GALNTL6: variants seen among roughly 807,000 people sequenced by gnomAD.
GALNTL6 encodes polypeptide N-acetylgalactosaminyltransferase like 6.
In GALNTL6, 46 loss-of-function variants were observed where a neutral mutation model predicts 73.7. The ratio of observed to expected loss-of-function variants is 0.62; its 90% CI spans 0.49 to 0.80. The LOEUF (loss-of-function observed/expected upper bound fraction) is 0.80, where lower values mean the gene tolerates loss of function less well. Ranked by LOEUF, GALNTL6 falls within the 30% of genes least tolerant of loss-of-function variation. The pLI, the probability that GALNTL6 is intolerant of heterozygous loss-of-function variation, is 0.00. For missense variants in GALNTL6, 604 were observed against 755.0 expected, an observed-to-expected ratio of 0.80 and a Z score of 2.34; for synonymous variants, 259 against 263.7, an observed-to-expected ratio of 0.98 and a Z score of 0.17.
chr4:172,089,656 A>G (rs537760525), intron 2 of GALNTL6, among the ~76,000 whole-genome samples: 12 of 152,110 alleles, frequency 7.9e-5, no homozygotes, highest in Admixed American at 6.5e-4. Flanking sequence ...TAACAAGTGC[A>G]CTATAGTTTC....
At chr4:172,897,536 C>T (rs887383202) in intron 8 of GALNTL6, among the ~76,000 whole-genome samples, 2 of 152,166 alleles carry the variant, frequency 1.3e-5, no homozygotes, top group Non-Finnish European at 2.9e-5. Flanking sequence ...AACCCCTTGG[C>T]AGATGGTTTT....
chr4:172,127,168 T>G (rs2111010250), intron 2 of GALNTL6, among the ~76,000 whole-genome samples: 1 of 152,318 alleles, frequency 6.6e-6, no homozygotes, highest in South Asian at 2.1e-4. Flanking sequence ...GATGTGGGCC[T>G]GGAGATTACC....
Position 172,278,843 on chromosome 4 carries a change from A to G in GALNTL6, c.248-32771A>G, listed in dbSNP as rs560772383. On this transcript the variant is annotated intron_variant, in intron 3 of 12. Transcript: ENST00000506823. ...AACTTATGACAAATCTGCTGTAATC[A>G]AACAGCGTGGTATTGGCATAAAAAC... 4.6e-5 allele frequency among the ~76,000 whole-genome samples: 7 copies of G among 152,290 alleles called. No homozygotes were observed. In the East Asian group the frequency reaches 1.4e-3, roughly 29 times the overall value.
chr4:172,656,190 G>A (rs1450878496), intron 5 of GALNTL6, among the ~76,000 whole-genome samples: 1 of 152,126 alleles, frequency 6.6e-6, no homozygotes, highest in Non-Finnish European at 1.5e-5. Context: ...AGCGAGGGTT[G>A]GGTCTGGGTG....
chr4:172,920,779 C>T lies in GALNTL6; in HGVS notation c.1042-10382C>T, dbSNP rs570378679. ...AGTTATCATTAAGTAACTCAGTTGT[C>T]TGGAATTAACCTGACTTTATATTAA... On this transcript the variant is annotated intron_variant, in intron 8 of 12. Transcript: ENST00000506823. Among the ~76,000 whole-genome samples the T allele has an allele frequency of 2.6e-5, 4 of 152,302 alleles. No individual in the cohort carries two copies. The East Asian group carries it at 7.7e-4, about 29-fold the overall frequency.
At chr4:172,388,241 T>C (rs537966355) in intron 5 of GALNTL6, among the ~76,000 whole-genome samples, 1 of 152,088 alleles carries the variant, frequency 6.6e-6, no homozygotes, top group Non-Finnish European at 1.5e-5. Context: ...AGTAGGAGAG[T>C]TTAATGTAGA....
At chr4:171,965,353 A>G (rs1232002572) in intron 2 of GALNTL6, among the ~76,000 whole-genome samples, 1 of 152,200 alleles carries the variant, frequency 6.6e-6, no homozygotes, top group Non-Finnish European at 1.5e-5. Context: ...AAGACCTATT[A>G]CTCAAAAGAA....
chr4:172,484,100 A>G (rs547818302), intron 5 of GALNTL6, among the ~76,000 whole-genome samples: 9 of 152,088 alleles, frequency 5.9e-5, no homozygotes, highest in Non-Finnish European at 1.0e-4. Context: ...GAAGAAGGAG[A>G]ACATACTCCT....
At chr4:171,956,134 C>T (rs1170768759) in intron 2 of GALNTL6, among the ~76,000 whole-genome samples, 1 of 42,568 alleles carries the variant, frequency 2.3e-5, no homozygotes, top group Non-Finnish European at 4.6e-5. Flanking sequence ...TCCAGAGTAG[C>T]GGGACTACAG....
chr4:172,743,319 C>A lies in GALNTL6; in HGVS notation c.554-66042C>A, dbSNP rs1399610759. Among the ~76,000 whole-genome samples the A allele has an allele frequency of 3.3e-5, 5 of 152,150 alleles. No homozygotes were observed. The East Asian group carries it at 9.7e-4, about 29-fold the overall frequency. ...CCCCTCAGGCTCCACTAAAAACTGGCAACTGCATTGGTTCCTCAGAAAATG... is the reference window on the plus strand; with the variant it reads ...CCCCTCAGGCTCCACTAAAAACTGGAAACTGCATTGGTTCCTCAGAAAATG... On this transcript the variant is annotated intron_variant, in intron 5 of 12. Transcript: ENST00000506823.
intron 2 of GALNTL6, among the ~76,000 whole-genome samples, chr4:172,073,875 A>C (rs529366826): frequency 1.1e-4 from 17 of 152,324 alleles, no homozygotes; most frequent in African/African-American, 4.1e-4. Context: ...AAGTCAAAGC[A>C]ATTGACTGCA....
intron 10 of GALNTL6, among the ~76,000 whole-genome samples, chr4:172,954,772 AT>A (rs986020827): frequency 1.7e-4 from 26 of 151,726 alleles, no homozygotes; most frequent in Non-Finnish European, 3.1e-4. Context: ...CCGGCAACAG[AT>A]TTTTTTTTCT....
intron 2 of GALNTL6, among the ~76,000 whole-genome samples, chr4:171,896,947 A>T: frequency 6.6e-6 from 1 of 152,226 alleles, no homozygotes; most frequent in East Asian, 1.9e-4. Context: ...ACAAAAGCCA[A>T]ATGGGAACAA....
intron 2 of GALNTL6, among the ~76,000 whole-genome samples, chr4:171,916,448 A>G (rs1042060318): frequency 1.3e-5 from 2 of 152,142 alleles, no homozygotes; most frequent in African/African-American, 2.4e-5. Flanking sequence ...TCTTTCATAT[A>G]TACTGCTGGA....
intron 2 of GALNTL6, among the ~76,000 whole-genome samples, chr4:171,942,693 C>T (rs1419670449): frequency 6.6e-6 from 1 of 152,180 alleles, no homozygotes; most frequent in Non-Finnish European, 1.5e-5. Flanking sequence ...ACCTAAGAGC[C>T]TGTAGGCAAG....
chr4:172,836,026 C>T (rs1469679295), intron 7 of GALNTL6, among the ~76,000 whole-genome samples: 1 of 152,118 alleles, frequency 6.6e-6, no homozygotes, highest in Non-Finnish European at 1.5e-5. Flanking sequence ...CCACTGTTTC[C>T]TCAGGGGTAT....
At chr4:172,156,761 T>C (rs1419843985) in intron 2 of GALNTL6, among the ~76,000 whole-genome samples, 2 of 151,500 alleles carry the variant, frequency 1.3e-5, no homozygotes, top group African/African-American at 4.9e-5. Flanking sequence ...AAGGACACTT[T>C]AGGAAGTGTG....
intron 5 of GALNTL6, among the ~76,000 whole-genome samples, chr4:172,673,682 T>C (rs537718540): frequency 5.3e-4 from 81 of 152,338 alleles, no homozygotes; most frequent in African/African-American, 1.8e-3. Context: ...ATATTTATGA[T>C]AGTTAGATCT....
At chr4:172,653,421 A>C (rs1579292709) in intron 5 of GALNTL6, among the ~76,000 whole-genome samples, 1 of 152,064 alleles carries the variant, frequency 6.6e-6, no homozygotes, top group East Asian at 1.9e-4. Context: ...GGGTTTCACC[A>C]TGTTAGCCAG....
Sources: allele counts gnomAD v4.1 joint callset (sites outside exome capture counted in the v4.1 genomes callset), GRCh38; gene constraint gnomAD v4.1.1; transcripts MANE v1.5; gene names NCBI Gene and HGNC (gene_info 2026-07-23, HGNC 2026-07-21).